NKAIN2: variants seen among roughly 807,000 people sequenced by gnomAD.
The protein encoded by NKAIN2 is sodium/potassium transporting ATPase interacting 2.
Under a neutral mutation model 32.6 loss-of-function variants are expected in NKAIN2, and 14 were observed. The observed-to-expected ratio is 0.43, with a 90% CI of 0.28 to 0.67. The LOEUF is 0.67. NKAIN2 is among the 30% of genes least tolerant of loss of function. NKAIN2 has a pLI of 0.17. For missense variants in NKAIN2, 198 were observed against 258.3 expected (o/e 0.77, Z 1.60); for synonymous variants, 80 against 87.2 (o/e 0.92, Z 0.46).
intron 3 of NKAIN2, among the ~76,000 whole-genome samples, chr6:124,367,932 T>A (rs1400164277): frequency 6.6e-6 from 1 of 152,136 alleles, no homozygotes; most frequent in Non-Finnish European, 1.5e-5. Context: ...TGTCCATTTT[T>A]TAAAATTCAA....
intron 3 of NKAIN2, among the ~76,000 whole-genome samples, chr6:124,459,764 C>T (rs1043819465): frequency 2.6e-5 from 4 of 151,602 alleles, no homozygotes; most frequent in Non-Finnish European, 5.9e-5. Flanking sequence ...AATTAATTCC[C>T]CATGCCATCT....
intron 1 of NKAIN2, among the ~76,000 whole-genome samples, chr6:124,255,479 G>A (rs899173112): frequency 1.3e-5 from 2 of 152,190 alleles, no homozygotes; most frequent in Non-Finnish European, 2.9e-5. Flanking sequence ...GTTAATTTAT[G>A]CTGGTAGTTT....
chr6:124,796,902 C>T (rs1192656194), intron 5 of NKAIN2, among the ~76,000 whole-genome samples: 1 of 152,080 alleles, frequency 6.6e-6, no homozygotes, highest in Non-Finnish European at 1.5e-5. Context: ...TTCCTTATGG[C>T]CTCCCGTCTT....
chr6:124,778,356 CAA>C (rs796068383), intron 4 of NKAIN2, among the ~76,000 whole-genome samples: 3 of 139,738 alleles, frequency 2.1e-5, no homozygotes, highest in Admixed American at 7.2e-5. Context: ...AATAATACTT[CAA>C]AAAAAAAAAG....
rs193215533 is a variant in NKAIN2, at chr6:123,901,476, G to A, written c.54+97222G>A. Reference sequence around the variant, plus strand: ...GAATAAGTGACTTAGTATACCAAGCGTTTCCTTTGCTTTTTGTTTGTTTCC... The same window carrying A: ...GAATAAGTGACTTAGTATACCAAGCATTTCCTTTGCTTTTTGTTTGTTTCC... On this transcript the variant is annotated intron_variant, in intron 1 of 6. Transcript: ENST00000368417. Among the ~76,000 whole-genome samples the A allele has an allele frequency of 6.1e-4, 93 of 152,146 alleles. 1 individual carries two copies. Among genetic ancestry groups the A allele is most frequent in the Non-Finnish European group, 1.0e-3 (71 of 67,976 alleles).
intron 1 of NKAIN2, among the ~76,000 whole-genome samples, chr6:123,849,390 C>A (rs2114953144): frequency 6.6e-6 from 1 of 152,190 alleles, no homozygotes; most frequent in Middle Eastern, 3.4e-3. Context: ...GGTGAGAGAT[C>A]CTGTAAAATC....
intron 1 of NKAIN2, among the ~76,000 whole-genome samples, chr6:124,133,747 A>G (rs1786590913): frequency 1.3e-5 from 2 of 152,160 alleles, no homozygotes; most frequent in South Asian, 4.1e-4. Context: ...ATCAGCACAG[A>G]AGACTCTATA....
At chr6:123,846,527 ATGTTT>A (rs1205215749) in intron 1 of NKAIN2, among the ~76,000 whole-genome samples, 1 of 152,126 alleles carries the variant, frequency 6.6e-6, no homozygotes, top group Admixed American at 6.5e-5. Flanking sequence ...TTTGCAGTTG[ATGTTT>A]TGCATTTTAG....
At chr6:124,259,414 A>G (rs984066629) in intron 1 of NKAIN2, among the ~76,000 whole-genome samples, 1 of 152,132 alleles carries the variant, frequency 6.6e-6, no homozygotes, top group African/African-American at 2.4e-5. Flanking sequence ...TTTCCTGAGG[A>G]AAGAACCCAA....
chr6:123,829,422 T>C (rs1291825380), intron 1 of NKAIN2: 3 of 152,180 alleles, frequency 2.0e-5, no homozygotes, highest in Admixed American at 1.3e-4. Flanking sequence ...CCAAATTCCA[T>C]TGGTATAACA....
chr6:124,430,508 A>G (rs1360285965), intron 3 of NKAIN2, among the ~76,000 whole-genome samples: 2 of 152,112 alleles, frequency 1.3e-5, no homozygotes, highest in Non-Finnish European at 2.9e-5. Flanking sequence ...ACACTCACTC[A>G]CATGTCTGGT....
At chr6:124,703,732 AG>A (rs1774913990) in intron 4 of NKAIN2, among the ~76,000 whole-genome samples, 2 of 152,156 alleles carry the variant, frequency 1.3e-5, no homozygotes, top group South Asian at 4.1e-4. Flanking sequence ...CATATCTGTT[AG>A]GAAATAAACA....
chr6:124,712,099 T>A (rs541148207), intron 4 of NKAIN2, among the ~76,000 whole-genome samples: 1 of 151,520 alleles, frequency 6.6e-6, no homozygotes, highest in Non-Finnish European at 1.5e-5. Context: ...AGTGTGCCCC[T>A]GCTGGGGGGT....
intron 1 of NKAIN2, among the ~76,000 whole-genome samples, chr6:123,975,356 CT>C (rs1294206138): frequency 1.3e-5 from 2 of 152,082 alleles, no homozygotes; most frequent in Non-Finnish European, 2.9e-5. Context: ...GGATAAGAAA[CT>C]GCATAATTGA....
rs1337865 is a variant in NKAIN2, at chr6:124,744,608, A to G, written c.475-46731A>G. On this transcript the variant is annotated intron_variant, in intron 4 of 6. Coordinates refer to ENST00000368417, the MANE Select transcript of NKAIN2 (RefSeq NM_001040214.3). Reference sequence around the variant, plus strand: ...AACACCAGATATTTCCAGAAAGCTTATAATCTAAAATTTAGTTCCCAGCCA... The same window carrying G: ...AACACCAGATATTTCCAGAAAGCTTGTAATCTAAAATTTAGTTCCCAGCCA... 3.2e-4 allele frequency among the ~76,000 whole-genome samples: 48 copies of G among 151,860 alleles called. No homozygotes were observed. In the South Asian group the frequency reaches 9.5e-3, roughly 30 times the overall value.
intron 1 of NKAIN2, among the ~76,000 whole-genome samples, chr6:124,003,882 G>T (rs1310006655): frequency 6.6e-6 from 1 of 152,152 alleles, no homozygotes; most frequent in East Asian, 1.9e-4. Context: ...TATCAGTGGC[G>T]CAAGGATCAG....
chr6:124,693,992 C>T (rs9388357), intron 4 of NKAIN2, among the ~76,000 whole-genome samples: 56,722 of 151,990 alleles, frequency 0.37, 10,754 homozygotes, highest in African/African-American at 0.4. Context: ...TTGTAAAACA[C>T]ATTTTTATAA....
chr6:124,513,077 G>C (rs1020067655), intron 3 of NKAIN2, among the ~76,000 whole-genome samples: 1 of 152,124 alleles, frequency 6.6e-6, no homozygotes, highest in Non-Finnish European at 1.5e-5. Flanking sequence ...AAATGAATCA[G>C]TGGAAAAGAC....
chr6:124,808,590 C>T (rs1189899238), intron 5 of NKAIN2, among the ~76,000 whole-genome samples: 1 of 152,212 alleles, frequency 6.6e-6, no homozygotes, highest in African/African-American at 2.4e-5. Flanking sequence ...GGGATGCCCT[C>T]TCTCACCACT....
Sources: gnomAD v4.1 joint callset for allele counts (sites outside exome capture counted in the v4.1 genomes callset) on GRCh38, gnomAD v4.1.1 for gene constraint, MANE v1.5 for transcripts, NCBI Gene and HGNC (gene_info 2026-07-23, HGNC 2026-07-21) for gene names.